The following SLC46A3 variants were observed in gnomAD, a reference collection of about 807,000 sequenced individuals.
SLC46A3 encodes lysosomal proton-coupled steroid conjugate and bile acid symporter SLC46A3.
Under a neutral mutation model 38.5 loss-of-function variants are expected in SLC46A3, and 26 were observed. The ratio of observed to expected loss-of-function variants is 0.68; its 90% CI spans 0.49 to 0.94. The LOEUF (loss-of-function observed/expected upper bound fraction) is 0.94, where lower values mean the gene tolerates loss of function less well. Among genes scored for constraint, SLC46A3 ranks in the 40% least tolerant of loss-of-function variants. The pLI, the probability that SLC46A3 is intolerant of heterozygous loss-of-function variation, is 0.00. For synonymous variants in SLC46A3, 185 were observed against 192.5 expected (o/e 0.96, Z 0.32); for missense variants, 510 against 544.3 (o/e 0.94, Z 0.63).
intron 3 of SLC46A3, among the ~76,000 whole-genome samples, chr13:28,711,800 A>G (rs7999718): frequency 0.34 from 51,024 of 152,104 alleles, 9,560 homozygotes; most frequent in Non-Finnish European, 0.42. Flanking sequence ...GCTCTTAGGG[A>G]GACAGGGAGA....
At chr13:28,712,149 T>C (rs911048587) in intron 3 of SLC46A3, among the ~76,000 whole-genome samples, 12 of 152,192 alleles carry the variant, frequency 7.9e-5, no homozygotes, top group African/African-American at 2.9e-4. Context: ...AAAACAGTTA[T>C]AAGGTAGGTA....
intron 4 of SLC46A3, among the ~76,000 whole-genome samples, chr13:28,706,876 C>T (rs535909375): frequency 5.6e-4 from 86 of 152,238 alleles, no homozygotes; most frequent in Non-Finnish European, 1.0e-3. Context: ...GTTAGAATGG[C>T]GATCATTAAA....
At chr13:28,715,071 G>T (rs922290015) in intron 2 of SLC46A3, among the ~76,000 whole-genome samples, 4 of 152,166 alleles carry the variant, frequency 2.6e-5, no homozygotes, top group African/African-American at 7.2e-5. Context: ...GGCGATGGTG[G>T]TGCCTCCTGG....
In SLC46A3 at chr13:28,700,803, T is replaced by G; in HGVS notation, c.*694A>C. The G allele has an allele frequency of 1.7e-6, 1 of 587,698 alleles. No homozygotes were observed. Among genetic ancestry groups the G allele is most frequent in the South Asian group, 3.0e-5 (1 of 32,884 alleles). The allele number at this position is 587,698 out of a possible 1,614,324, so 36.4% of individuals were successfully genotyped here. On this transcript the variant is annotated 3_prime_UTR_variant, in exon 6 of 6. Transcript: ENST00000266943. ...GAAATATTATCATGCCTGTCACCGA[T>G]GAAACATATTAAGAAAAGTGAAAAA...
In SLC46A3 at chr13:28,717,966, G is replaced by A; in HGVS notation, c.33C>T (p.Phe11=). The A allele has an allele frequency of 6.2e-7, 1 of 1,613,256 alleles. No individual in the cohort carries two copies. Among genetic ancestry groups the A allele is most frequent in the Non-Finnish European group, 8.5e-7 (1 of 1,179,792 alleles). ...TCAAAGTCATAGCAAATGCACTAAGGAAAATGGCAGGTTCTACAAATAAAA... is the reference window on the plus strand; with the variant it reads ...TCAAAGTCATAGCAAATGCACTAAGAAAAATGGCAGGTTCTACAAATAAAA... MKILFVEPAI[F]LSAFAMTLTG... Residue 11 remains phenylalanine, a synonymous_variant, in exon 2 of 6, where the codon TTC becomes TTT. Coordinates refer to ENST00000266943, the MANE Select transcript of SLC46A3 (RefSeq NM_181785.4).
chr13:28,706,962 C>T, intron 4 of SLC46A3, among the ~76,000 whole-genome samples: 1 of 152,130 alleles, frequency 6.6e-6, no homozygotes, highest in Non-Finnish European at 1.5e-5. Context: ...GGACTGTAAA[C>T]TAGTTCAACC....
rs137991124 is a variant in SLC46A3, at chr13:28,713,009, C to T, written c.731G>A (p.Arg244Gln). The change falls in exon 3 of 6, where the codon CGA (arginine) becomes CAA (glutamine). Residue 244 changes from arginine (R) to glutamine (Q), a missense_variant. Coordinates refer to ENST00000266943, the MANE Select transcript of SLC46A3 (RefSeq NM_181785.4). ...CSEGFKNLFY[R>Q]TYMLFKNASG... The stretch of plus-strand genomic sequence containing the variant: ...AGCATTCTTAAAAAGCATGTAAGTT[C>T]GGTAAAATAGGTTTTTGAAGCCTTC... 6.7e-5 allele frequency: 108 copies of T among 1,612,770 alleles called. 2 individuals are homozygous for T. The African/African-American group carries it at 8.7e-4, about 13-fold the overall frequency.
At position 28,713,341 on chromosome 13, in the gene SLC46A3, T is replaced by A; in HGVS notation, c.399A>T (p.Ala133=). The change falls in exon 3 of 6, where the codon GCA becomes GCT. Residue 133 remains alanine (A), a synonymous_variant. Transcript: ENST00000266943. ...CACAAAATGCACCAATGAAGGTAGA[T>A]GCAATCAAAAGCTGGAATGGAAAGG... ...YFAFPFQLLI[A]STFIGAFCGN... 1.2e-6 allele frequency: 2 copies of A among 1,613,998 alleles called. No individual in the cohort carries two copies. The highest frequency in any genetic ancestry group is 1.7e-6 in the Non-Finnish European group (2 of 1,180,032).
In SLC46A3 at chr13:28,713,588, A is replaced by G. The variant is rs1208511570; in HGVS notation, c.190-38T>C. ...ATAAAGAAGACAATGTGTTTACAGT[A>G]GTTAACACAACGTGTATAAAAATAT... On this transcript the variant is annotated intron_variant, in intron 2 of 5. Transcript: ENST00000266943. The G allele has an allele frequency of 2.6e-6, 4 of 1,548,172 alleles. No homozygotes were observed. In the African/African-American group the frequency reaches 5.5e-5, roughly 21 times the overall value.
chr13:28,701,186 A>C lies in SLC46A3; in HGVS notation c.*311T>G. The C allele has an allele frequency of 1.4e-6, 2 of 1,398,266 alleles. No homozygotes were observed. 86.6% of individuals were successfully genotyped at this position (1,398,266 alleles called of 1,614,324 possible). A position where few individuals can be genotyped will look rare whatever the true frequency, so the allele number is the denominator to read the frequency against. Reference sequence around the variant, plus strand: ...CAGAGAGATTATTGCTTTTGACCTTATCAAGTTTCTTGATCCCTCCTTACA... The same window carrying C: ...CAGAGAGATTATTGCTTTTGACCTTCTCAAGTTTCTTGATCCCTCCTTACA... On this transcript the variant is annotated 3_prime_UTR_variant, in exon 6 of 6. Transcript: ENST00000266943.
rs745675885 is a variant in SLC46A3, at chr13:28,708,399, G to T, written c.1144+2361C>A. Among the ~76,000 whole-genome samples, 99 of 152,110 alleles carry T rather than the reference G, an allele frequency of 6.5e-4. 1 individual carries two copies. The highest frequency in any genetic ancestry group is 1.7e-3 in the Admixed American group (26 of 15,276). On this transcript the variant is annotated intron_variant, in intron 4 of 5. Coordinates refer to ENST00000266943, the MANE Select transcript of SLC46A3 (RefSeq NM_181785.4). ...GCTTTGCATTTCCCTGATGGCTAAT[G>T]ATATCCAGCATTTTCATGCGCATAT...
chr13:28,714,141 CAA>C (rs764114430), intron 2 of SLC46A3, among the ~76,000 whole-genome samples: 11 of 14,278 alleles, frequency 7.7e-4, no homozygotes, highest in African/African-American at 1.9e-3. Flanking sequence ...CCAAAAAATA[CAA>C]AAAAAAAAAA....
At chr13:28,704,245 C>T in intron 4 of SLC46A3, 146 bp from the exon 5 acceptor site, 1 of 735,008 alleles carries the variant, frequency 1.4e-6, no homozygotes, top group Non-Finnish European at 2.1e-6. Flanking sequence ...GTTATTCCCT[C>T]AAAGTCCCTG....
rs767943842 is a variant in SLC46A3 at position 28,700,913 on chromosome 13, T to C, written c.*584A>G. The C allele has an allele frequency of 2.7e-6, 4 of 1,464,744 alleles. No individual in the cohort carries two copies. The highest frequency in any genetic ancestry group is 2.8e-6 in the Non-Finnish European group (3 of 1,070,742). 90.7% of individuals were successfully genotyped at this position (1,464,744 alleles called of 1,614,324 possible). A position where few individuals can be genotyped will look rare whatever the true frequency, so the allele number is the denominator to read the frequency against. The stretch of plus-strand genomic sequence containing the variant: ...GGAATTCATGTATAGTCTTCAGAAG[T>C]CACAGTATATAAGCTCCGACTATCA... On this transcript the variant is annotated 3_prime_UTR_variant, in exon 6 of 6. Coordinates refer to ENST00000266943, the MANE Select transcript of SLC46A3 (RefSeq NM_181785.4).
In SLC46A3 at chr13:28,713,240, A is replaced by G. The variant is rs147229111; in HGVS notation, c.500T>C (p.Ile167Thr). ...DQCKEHKQKTIRIAIIDFLLG... is the reference protein window; with the variant it reads ...DQCKEHKQKTTRIAIIDFLLG... ...TAGAAAGTCAATGATAGCTATTCGAATTGTTTTTTGTTTGTGTTCTTTACA... is the reference window on the plus strand; with the variant it reads ...TAGAAAGTCAATGATAGCTATTCGAGTTGTTTTTTGTTTGTGTTCTTTACA... The change falls in exon 3 of 6, where the codon ATT (isoleucine) becomes ACT (threonine). Residue 167 changes from isoleucine to threonine, a missense_variant. Physicochemically the swap from Ile to Thr is moderately conservative, Grantham distance 89. Coordinates refer to ENST00000266943, the MANE Select transcript of SLC46A3 (RefSeq NM_181785.4). 1 of 1,614,006 alleles carries G rather than the reference A, an allele frequency of 6.2e-7. No homozygotes were observed. The highest frequency in any genetic ancestry group is 8.5e-7 in the Non-Finnish European group (1 of 1,179,998).
chr13:28,716,767 G>A (rs1405906210), intron 2 of SLC46A3, among the ~76,000 whole-genome samples: 1 of 152,102 alleles, frequency 6.6e-6, no homozygotes, highest in African/African-American at 2.4e-5. Flanking sequence ...CTGACACCTC[G>A]GGAAGTGCTA....
intron 4 of SLC46A3, 55 bp downstream of exon 4, chr13:28,710,705 A>C: frequency 7.7e-7 from 1 of 1,297,366 alleles, no homozygotes; most frequent in South Asian, 1.2e-5. Flanking sequence ...GATTGTACAC[A>C]GATTTGAGTT....
rs564113924 is a variant in SLC46A3, at chr13:28,717,760, C to T, written c.189+50G>A. 58 of 1,558,678 alleles carry T rather than the reference C, an allele frequency of 3.7e-5. 2 individuals carry two copies. The South Asian group carries it at 6.2e-4, about 17-fold the overall frequency. ...TCACGGTCCTCTTTAACTCAAAGCC[C>T]GGTATACATTCCCATTTTATTAAAT... On this transcript the variant is annotated intron_variant, in intron 2 of 5. Coordinates refer to ENST00000266943, the MANE Select transcript of SLC46A3 (RefSeq NM_181785.4).
rs1484095421 is a variant in SLC46A3, at chr13:28,718,799, C to T, written c.-328G>A. On this transcript the variant is annotated 5_prime_UTR_variant, in exon 1 of 6. Transcript: ENST00000266943. ...ACCTGCAGGGTTCTCCGGCAGCCCT[C>T]GGCTTCCCCGCGGCCCTGCGGACCT... 1 of 152,402 alleles carries T rather than the reference C, an allele frequency of 6.6e-6. No homozygotes were observed. Among genetic ancestry groups the T allele is most frequent in the Non-Finnish European group, 1.5e-5 (1 of 68,164 alleles). 9.4% of individuals were successfully genotyped at this position (152,402 alleles called of 1,614,324 possible). A position where few individuals can be genotyped will look rare whatever the true frequency, so the allele number is the denominator to read the frequency against.
Sources: gnomAD v4.1 joint callset for allele counts (sites outside exome capture counted in the v4.1 genomes callset) on GRCh38, gnomAD v4.1.1 for gene constraint, MANE v1.5 for transcripts, NCBI Gene and HGNC (gene_info 2026-07-23, HGNC 2026-07-21) for gene names.